TRAF3IP3: variants seen among roughly 807,000 people sequenced by gnomAD.
TRAF3IP3 encodes TRAF3-interacting JNK-activating modulator.
Under a neutral mutation model 86.5 loss-of-function variants are expected in TRAF3IP3, and 64 were observed. The observed-to-expected ratio is 0.74, with a 90% CI of 0.60 to 0.91. TRAF3IP3 has a LOEUF of 0.91. Among genes scored for constraint, TRAF3IP3 ranks in the 40% least tolerant of loss-of-function variants. The pLI is 0.00. For synonymous variants in TRAF3IP3, 220 were observed against 243.9 expected (o/e 0.90, Z 0.91); for missense variants, 579 against 642.9 (o/e 0.90, Z 1.07).
intron 11 of TRAF3IP3, 53 bp from the exon 12 acceptor site, chr1:209,777,299 C>A: frequency 3.3e-6 from 5 of 1,502,526 alleles, no homozygotes; most frequent in Non-Finnish European, 4.5e-6. Flanking sequence ...CGCCCCCCAA[C>A]CTCCACCCCA....
At position 209,775,632 on chromosome 1, in the gene TRAF3IP3, G is replaced by A. The variant is rs572678082; in HGVS notation, c.949G>A (p.Glu317Lys). The A allele has an allele frequency of 6.5e-5, 105 of 1,614,170 alleles. No homozygotes were observed. Among genetic ancestry groups the A allele is most frequent in the Middle Eastern group, 1.7e-4 (1 of 6,060 alleles). Residue 317 changes from glutamate (E) to lysine (K), a missense_variant, in exon 11 of 17, where the codon GAG becomes AAG. Transcript: ENST00000367025. The stretch of plus-strand genomic sequence containing the variant: ...GGCCCTGGCAGAGCAGAAGTGTGAA[G>A]AGTGGAGGAGCCAGTATGAGGCTCT... The part of the protein sequence containing the change: ...SLALAEQKCE[E>K]WRSQYEALKE...
chr1:209,775,668 T>G lies in TRAF3IP3; in HGVS notation c.985T>G (p.Trp329Gly), dbSNP rs1035548330. The stretch of plus-strand genomic sequence containing the variant: ...CCAGTATGAGGCTCTGAAGGAGGAC[T>G]GGAGGACCCTTGGGACCCAGCACAG... The part of the protein sequence containing the change: ...RSQYEALKED[W>G]RTLGTQHREL... Residue 329 changes from tryptophan (W) to glycine (G), a missense_variant, in exon 11 of 17, where the codon TGG becomes GGG. Coordinates refer to ENST00000367025, the MANE Select transcript of TRAF3IP3 (RefSeq NM_025228.4). 1.2e-6 allele frequency: 2 copies of G among 1,613,968 alleles called. No individual in the cohort carries two copies. Among genetic ancestry groups the G allele is most frequent in the East Asian group, 4.5e-5 (2 of 44,882 alleles).
intron 1 of TRAF3IP3, among the ~76,000 whole-genome samples, chr1:209,757,436 AC>A (rs150301665): frequency 0.016 from 2,413 of 152,246 alleles, 84 homozygotes; most frequent in African/African-American, 0.055. Flanking sequence ...GGGACCTCAC[AC>A]CTTATGTGTG....
intron 8 of TRAF3IP3, 149 bp from the exon 9 acceptor site, chr1:209,772,799 C>A: frequency 1.5e-6 from 1 of 678,768 alleles, no homozygotes; most frequent in Admixed American, 2.8e-5. Context: ...ATCCAGCATC[C>A]TTTGTCATCT....
chr1:209,762,518 A>T lies in TRAF3IP3; in HGVS notation c.349A>T (p.Thr117Ser). ...GCATTCCCCACTTGCCTTCCAGGTG[A>T]CAGGCACCAGCTCTGAAGTCTTTCC... ...RRISSPREQVTGTSSEVFPAQ... is the reference protein window; with the variant it reads ...RRISSPREQVSGTSSEVFPAQ... Residue 117 changes from threonine (T) to serine (S), a missense_variant, in exon 4 of 17, where the codon ACA (threonine) becomes TCA (serine). Transcript: ENST00000367025. 6.9e-7 allele frequency: 1 copy of T among 1,447,240 alleles called. No individual in the cohort carries two copies. The highest frequency in any genetic ancestry group is 1.7e-5 in the South Asian group (1 of 59,800). The allele number at this position is 1,447,240 out of a possible 1,614,324, so 89.6% of individuals were successfully genotyped here.
At chr1:209,766,047 C>T (rs912010313) in intron 8 of TRAF3IP3, among the ~76,000 whole-genome samples, 1 of 152,178 alleles carries the variant, frequency 6.6e-6, no homozygotes, top group Non-Finnish European at 1.5e-5. Context: ...ACAACCTCAC[C>T]GGCCTGTGTG....
intron 8 of TRAF3IP3, among the ~76,000 whole-genome samples, chr1:209,766,274 C>T (rs1259125376): frequency 1.3e-5 from 2 of 152,194 alleles, no homozygotes; most frequent in African/African-American, 4.8e-5. Flanking sequence ...GGGCAGACAG[C>T]TGTGCACGTG....
intron 11 of TRAF3IP3, chr1:209,777,082 A>AC (rs780111309): frequency 4.6e-6 from 1 of 216,118 alleles, no homozygotes; most frequent in African/African-American, 2.3e-5. Context: ...ACAAAGTGAG[A>AC]CCCCATCTCT....
intron 9 of TRAF3IP3, among the ~76,000 whole-genome samples, chr1:209,774,504 T>C (rs1353806881): frequency 6.6e-6 from 1 of 152,230 alleles, no homozygotes; most frequent in Non-Finnish European, 1.5e-5. Context: ...GAACTGATGA[T>C]ACTGGACTGA....
chr1:209,780,932 A>G (rs998873789), intron 15 of TRAF3IP3: 1 of 186,008 alleles, frequency 5.4e-6, no homozygotes, highest in African/African-American at 2.4e-5. Flanking sequence ...CTTAAAGAGT[A>G]AAACTCTTCC....
In TRAF3IP3 at chr1:209,780,560, A is replaced by G. The variant is rs769129636; in HGVS notation, c.1403A>G (p.Asp468Gly). The G allele has an allele frequency of 6.2e-7, 1 of 1,600,758 alleles. No homozygotes were observed. The highest frequency in any genetic ancestry group is 8.5e-7 in the Non-Finnish European group (1 of 1,172,914). The change falls in exon 15 of 17, where the codon GAC (aspartate) becomes GGC (glycine). Residue 468 changes from aspartate (D) to glycine (G), a missense_variant. Physicochemically the swap from Asp to Gly is moderately conservative, Grantham distance 94 (BLOSUM62 -1). Coordinates refer to ENST00000367025, the MANE Select transcript of TRAF3IP3 (RefSeq NM_025228.4). ...AAGGAGAAAGACTGGGATCTCAGAG[A>G]CCAGCTGCAAAAGAAGACTTTGCAG... Reference protein sequence around the residue: ...TGKEKDWDLRDQLQKKTLQLQ... With the variant: ...TGKEKDWDLRGQLQKKTLQLQ...
rs769310847 is a variant in TRAF3IP3, at chr1:209,764,424, AT to A, written c.702+841del. 7.9e-5 allele frequency among the ~76,000 whole-genome samples: 12 copies of A among 152,316 alleles called. 1 individual carries two copies. Among genetic ancestry groups the A allele is most frequent in the Middle Eastern group, 3.4e-3 (1 of 294 alleles). Reference sequence around the variant, plus strand: ...AGGAAAATATGGAAGAAGGAATAGTATTTTAGTTGGGGTACAGGCAAAGGTC... The same window carrying A: ...AGGAAAATATGGAAGAAGGAATAGTATTTAGTTGGGGTACAGGCAAAGGTC... On this transcript the variant is annotated intron_variant, in intron 8 of 16. Coordinates refer to ENST00000367025, the MANE Select transcript of TRAF3IP3 (RefSeq NM_025228.4).
chr1:209,765,227 GAGGAAGGAAGGAAGGAAGGAAGGA>G lies in TRAF3IP3; in HGVS notation c.702+1679_702+1702del, dbSNP rs60018350. Among the ~76,000 whole-genome samples the G allele has an allele frequency of 1.2e-4, 7 of 58,268 alleles. No homozygotes were observed. In the South Asian group the frequency reaches 3.6e-3, roughly 30 times the overall value. The allele number at this position is 58,268 out of a possible 152,430, so 38.2% of individuals were successfully genotyped here. A position where few individuals can be genotyped will look rare whatever the true frequency, so the allele number is the denominator to read the frequency against. On this transcript the variant is annotated intron_variant, in intron 8 of 16. Transcript: ENST00000367025. ...AGAGAGAGAGAGGGAGAGAGAGAGA[GAGGAAGGAAGGAAGGAAGGAAGGA>G]AGGAAGGAAGGAAGGAAGGAAGGAA...
chr1:209,758,243 C>T (rs148093164), intron 1 of TRAF3IP3, among the ~76,000 whole-genome samples: 7 of 152,254 alleles, frequency 4.6e-5, no homozygotes, highest in Non-Finnish European at 8.8e-5. Flanking sequence ...CACCCTTATC[C>T]GAGAAGAAGA....
intron 1 of TRAF3IP3, among the ~76,000 whole-genome samples, chr1:209,757,433 C>G (rs2077173789): frequency 6.6e-6 from 1 of 151,926 alleles, no homozygotes; most frequent in Non-Finnish European, 1.5e-5. Flanking sequence ...GAGGGGACCT[C>G]ACACCTTATG....
Position 209,760,283 on chromosome 1 carries a change from C to G in TRAF3IP3, c.244C>G (p.Pro82Ala). ...AGAGGAGAAGGGCAAAGCGCAGCAT[C>G]CCCAGGCCAGGGAGCAAGGGCCCTC... ...ELEEKGKAQHPQAREQGPSRR... is the reference protein window; with the variant it reads ...ELEEKGKAQHAQAREQGPSRR... The change falls in exon 3 of 17, where the codon CCC becomes GCC. Residue 82 changes from proline (P) to alanine (A), a missense_variant. Pro to Ala is a conservative substitution (Grantham distance 27, BLOSUM62 -1). Coordinates refer to ENST00000367025, the MANE Select transcript of TRAF3IP3 (RefSeq NM_025228.4). 6.2e-7 allele frequency: 1 copy of G among 1,614,210 alleles called. No individual in the cohort carries two copies. The highest frequency in any genetic ancestry group is 1.1e-5 in the South Asian group (1 of 91,086).
chr1:209,779,127 T>C, intron 13 of TRAF3IP3, 188 bp from the exon 14 acceptor site: 1 of 600,304 alleles, frequency 1.7e-6, no homozygotes, highest in South Asian at 2.1e-5. Context: ...AAAGAATCTA[T>C]CTCCAAATAA....
At chr1:209,770,295 G>A (rs1304935375) in intron 8 of TRAF3IP3, among the ~76,000 whole-genome samples, 2 of 152,188 alleles carry the variant, frequency 1.3e-5, no homozygotes, top group African/African-American at 4.8e-5. Context: ...TAGTATGTAC[G>A]TGTGCATGTG....
chr1:209,759,892 T>C (rs749452488), intron 2 of TRAF3IP3, 90 bp from the exon 3 acceptor site: 39 of 648,180 alleles, frequency 6.0e-5, no homozygotes, highest in Non-Finnish European at 1.0e-4. Flanking sequence ...TGGAACTCTG[T>C]GCTATTTCTG....
Sources: allele counts gnomAD v4.1 joint callset (sites outside exome capture counted in the v4.1 genomes callset), GRCh38; gene constraint gnomAD v4.1.1; transcripts MANE v1.5; gene names NCBI Gene and HGNC (gene_info 2026-07-23, HGNC 2026-07-21).